The following CYP26B1 variants were observed in gnomAD, a reference collection of about 807,000 sequenced individuals.
The protein encoded by CYP26B1 is cytochrome P450 26B1.
CYP26B1 carries 8 observed loss-of-function variants against 39.1 expected under a neutral mutation model. The observed-to-expected ratio is 0.20, with a 90% confidence interval of 0.12 to 0.37. The LOEUF (loss-of-function observed/expected upper bound fraction) is 0.37. CYP26B1 is among the 10% of genes least tolerant of loss of function. The pLI is 1.00. For missense variants in CYP26B1, 615 were observed against 707.0 expected, an observed-to-expected ratio of 0.87 and a Z score of 1.48; for synonymous variants, 321 against 314.3, an observed-to-expected ratio of 1.02 and a Z score of -0.23.
At chr2:72,144,517 T>TCCGCCC (rs1186330492) in intron 1 of CYP26B1, 5 of 1,154,444 alleles carry the variant, frequency 4.3e-6, no homozygotes, top group Admixed American at 4.5e-5. Context: ...AGCGGGAGTC[T>TCCGCCC]CCGCCCCCAC....
intron 2 of CYP26B1, among the ~76,000 whole-genome samples, chr2:72,136,136 G>C (rs372505567): frequency 6.6e-6 from 1 of 152,146 alleles, no homozygotes; most frequent in Non-Finnish European, 1.5e-5. Flanking sequence ...ATGTGTGGAG[G>C]AGAGGGGAGC....
chr2:72,132,733 A>C, intron 5 of CYP26B1, 114 bp from the exon 6 acceptor site: 1 of 1,492,504 alleles, frequency 6.7e-7, no homozygotes, highest in East Asian at 2.5e-5. Flanking sequence ...GCCTTTTCTT[A>C]GAGACACCCC....
chr2:72,129,309 A>C lies in CYP26B1; in HGVS notation c.*2918T>G, dbSNP rs1676481670. On this transcript the variant is annotated 3_prime_UTR_variant, in exon 6 of 6. Transcript: ENST00000001146. Reference sequence around the variant, plus strand: ...GAGTATTTCCAAAATCACAAAATGCACAACATTCATGTTTTTAATATGCAA... The same window carrying C: ...GAGTATTTCCAAAATCACAAAATGCCCAACATTCATGTTTTTAATATGCAA... 1 of 152,586 alleles carries C rather than the reference A, an allele frequency of 6.6e-6. No individual in the cohort carries two copies. The highest frequency in any genetic ancestry group is 2.4e-5 in the African/African-American group (1 of 41,462). The allele number at this position is 152,586 out of a possible 1,614,324, so 9.5% of individuals were successfully genotyped here. A position where few individuals can be genotyped will look rare whatever the true frequency, so the allele number is the denominator to read the frequency against.
rs963544549 is a variant in CYP26B1 at position 72,132,128 on chromosome 2, C to G, written c.*99G>C. ...CAAGGGAGGGCAAGTATGGGGGCCA[C>G]TCGCCCTCCCCGTTCCGGCCCCCTC... On this transcript the variant is annotated 3_prime_UTR_variant, in exon 6 of 6. Coordinates refer to ENST00000001146, the MANE Select transcript of CYP26B1 (RefSeq NM_019885.4). The G allele has an allele frequency of 5.8e-6, 8 of 1,387,474 alleles. No individual in the cohort carries two copies. Among genetic ancestry groups the G allele is most frequent in the Admixed American group, 4.1e-5 (2 of 48,494 alleles). The allele number at this position is 1,387,474 out of a possible 1,614,324, so 85.9% of individuals were successfully genotyped here. A position where few individuals can be genotyped will look rare whatever the true frequency, so the allele number is the denominator to read the frequency against.
chr2:72,144,968 C>G (rs1677077315), intron 1 of CYP26B1, among the ~76,000 whole-genome samples: 1 of 152,156 alleles, frequency 6.6e-6, no homozygotes, highest in Admixed American at 6.5e-5. Flanking sequence ...CTCGAAACGG[C>G]TGGCGGAGCC....
intron 2 of CYP26B1, among the ~76,000 whole-genome samples, chr2:72,136,324 C>T (rs1266983347): frequency 2.6e-5 from 4 of 152,190 alleles, no homozygotes; most frequent in African/African-American, 2.4e-5. Context: ...ACCACACACA[C>T]GCGCCGCCCT....
chr2:72,145,199 C>G (rs1341439271), intron 1 of CYP26B1, among the ~76,000 whole-genome samples: 1 of 152,240 alleles, frequency 6.6e-6, no homozygotes, highest in Non-Finnish European at 1.5e-5. Flanking sequence ...CGCTCCTGCA[C>G]CCCCGAGGGG....
intron 4 of CYP26B1, 82 bp downstream of exon 4, chr2:72,134,679 C>T (rs550649481): frequency 1.3e-6 from 2 of 1,543,886 alleles, no homozygotes; most frequent in East Asian, 2.4e-5. Context: ...GTAGAAATGG[C>T]TGGGCACATT....
Position 72,131,877 on chromosome 2 carries a change from C to T in CYP26B1, c.*350G>A, listed in dbSNP as rs776279469. 5 of 269,922 alleles carry T rather than the reference C, an allele frequency of 1.9e-5. No homozygotes were observed. The highest frequency in any genetic ancestry group is 5.0e-5 in the Admixed American group (1 of 20,030). The allele number at this position is 269,922 out of a possible 1,614,324, so 16.7% of individuals were successfully genotyped here. On this transcript the variant is annotated 3_prime_UTR_variant, in exon 6 of 6. Coordinates refer to ENST00000001146, the MANE Select transcript of CYP26B1 (RefSeq NM_019885.4). ...TCCCCCAACCCCAGCTAAAAGGGTC[C>T]GAAAGGAACGGAGGGAAGGGAGCAG...
In CYP26B1 at chr2:72,133,045, A is replaced by G. The variant is rs1386433873; in HGVS notation, c.1124T>C (p.Val375Ala). Residue 375 changes from valine to alanine, a missense_variant, in exon 5 of 6, where the codon GTG (valine) becomes GCG (alanine). By Grantham distance (64) the Val-to-Ala change is moderately conservative. Transcript: ENST00000001146. ...FTPISGGYRTVLQTFELDGFQ... is the reference protein window; with the variant it reads ...FTPISGGYRTALQTFELDGFQ... ...CACATCAAGCTCGAAGGTCTGCAGC[A>G]CAGTGCGGTAGCCGCCGGAAATGGG... 6.2e-7 allele frequency: 1 copy of G among 1,613,222 alleles called. No individual in the cohort carries two copies. Among genetic ancestry groups the G allele is most frequent in the South Asian group, 1.1e-5 (1 of 91,092 alleles).
At chr2:72,139,051 G>C (rs1175152865) in intron 2 of CYP26B1, among the ~76,000 whole-genome samples, 2 of 152,234 alleles carry the variant, frequency 1.3e-5, no homozygotes, top group Non-Finnish European at 2.9e-5. Context: ...TGCTCAGCCA[G>C]ATAGCCTCCC....
intron 2 of CYP26B1, among the ~76,000 whole-genome samples, chr2:72,140,562 G>A (rs999963753): frequency 6.6e-6 from 1 of 152,218 alleles, no homozygotes; most frequent in African/African-American, 2.4e-5. Context: ...TGACTGTGTA[G>A]CCAGAGGCTG....
intron 1 of CYP26B1, among the ~76,000 whole-genome samples, chr2:72,146,902 C>T (rs2104106115): frequency 6.6e-6 from 1 of 152,314 alleles, no homozygotes; most frequent in Non-Finnish European, 1.5e-5. Context: ...TGTGCGGCAT[C>T]TAACAAGCAC....
Position 72,147,820 on chromosome 2 carries a change from G to A in CYP26B1, c.15C>T (p.Gly5=). 2 of 1,525,830 alleles carry A rather than the reference G, an allele frequency of 1.3e-6. No individual in the cohort carries two copies. The highest frequency in any genetic ancestry group is 1.8e-6 in the Non-Finnish European group (2 of 1,134,924). The allele number at this position is 1,525,830 out of a possible 1,614,324, so 94.5% of individuals were successfully genotyped here. MLFE[G]LDLVSALATL... ...TGGCCAGCGCCGACACCAGATCCAA[G>A]CCCTCAAAGAGCATGTTGGCGGCCG... Residue 5 remains glycine, a synonymous_variant, in exon 1 of 6, where the codon GGC becomes GGT. Transcript: ENST00000001146. The surrounding 1 kb of genome is among the most constrained non-coding windows in gnomAD (Gnocchi z 6.1).
rs779814291 is a variant in CYP26B1, at chr2:72,132,577, G to A, written c.1189C>T (p.Arg397Trp). The A allele has an allele frequency of 2.5e-6, 4 of 1,611,628 alleles. No homozygotes were observed. Among genetic ancestry groups the A allele is most frequent in the Non-Finnish European group, 3.4e-6 (4 of 1,178,882 alleles). ...ACGGGCGCTGTGTCATGGGTGTCCC[G>A]GATGCTATACATGACACTCCAGCCT... ...PKGWSVMYSI[R>W]DTHDTAPVFK... The change falls in exon 6 of 6, where the codon CGG becomes TGG. Residue 397 changes from arginine to tryptophan, a missense_variant. Coordinates refer to ENST00000001146, the MANE Select transcript of CYP26B1 (RefSeq NM_019885.4).
At chr2:72,136,235 C>G (rs1239212499) in intron 2 of CYP26B1, among the ~76,000 whole-genome samples, 1 of 152,150 alleles carries the variant, frequency 6.6e-6, no homozygotes, top group Non-Finnish European at 1.5e-5. Context: ...GGGGGAGCAC[C>G]CCTGCTACCA....
At position 72,144,103 on chromosome 2, in the gene CYP26B1, G is replaced by A. The variant is rs1481433325; in HGVS notation, c.315C>T (p.Ile105=). Residue 105 remains isoleucine, a synonymous_variant, in exon 2 of 6, where the codon ATC becomes ATT. Transcript: ENST00000001146. ...RVTGAENVRK[I]LMGEHHLVST... ...TCACGAGGTGGTGCTCGCCCATGAGGATCTTGCGCACGTTCTCCGCGCCGG... is the reference window on the plus strand; with the variant it reads ...TCACGAGGTGGTGCTCGCCCATGAGAATCTTGCGCACGTTCTCCGCGCCGG... 1.5e-5 allele frequency: 24 copies of A among 1,612,320 alleles called. No homozygotes were observed. In the Admixed American group the frequency reaches 4.0e-4, roughly 27 times the overall value.
intron 2 of CYP26B1, among the ~76,000 whole-genome samples, chr2:72,138,344 G>A (rs950582775): frequency 1.3e-5 from 2 of 152,184 alleles, no homozygotes; most frequent in Non-Finnish European, 2.9e-5. Context: ...AGAGGCGCAG[G>A]CTGGGGCAGA....
chr2:72,142,255 G>C (rs1266120953), intron 2 of CYP26B1, among the ~76,000 whole-genome samples: 5 of 152,136 alleles, frequency 3.3e-5, no homozygotes, highest in Admixed American at 6.5e-5. Flanking sequence ...AGGGTGGGTG[G>C]AACCCCAAGA....
Sources: allele counts gnomAD v4.1 joint callset (sites outside exome capture counted in the v4.1 genomes callset), GRCh38; gene constraint gnomAD v4.1.1; non-coding constraint Gnocchi (gnomAD v3.1); transcripts MANE v1.5; gene names NCBI Gene and HGNC (gene_info 2026-07-23, HGNC 2026-07-21).